The following SHROOM2 variants were observed in gnomAD, a reference collection of about 807,000 sequenced individuals.
The protein encoded by SHROOM2 is protein Shroom2.
A neutral mutation model predicts 75.9 loss-of-function variants in SHROOM2; 33 were observed. The observed-to-expected ratio is 0.43, with a 90% CI of 0.33 to 0.58. The LOEUF is 0.58. Among genes scored for constraint, SHROOM2 ranks in the 20% least tolerant of loss-of-function variants. The pLI is 0.04. For synonymous variants in SHROOM2, 655 were observed against 663.6 expected (o/e 0.99, Z 0.20); for missense variants, 1,434 against 1,461.2 (o/e 0.98, Z 0.30).
intron 1 of SHROOM2, among the ~76,000 whole-genome samples, chrX:9,811,527 G>A (rs1005129145): frequency 3.6e-5 from 4 of 111,674 alleles, no homozygotes; most frequent in Non-Finnish European, 5.6e-5. Flanking sequence ...CCTCATCCCC[G>A]AATTTCTTTG....
At chrX:9,838,263 T>C in intron 1 of SHROOM2, among the ~76,000 whole-genome samples, 1 of 109,762 alleles carries the variant, frequency 9.1e-6, no homozygotes, top group South Asian at 4.0e-4. Flanking sequence ...GGTTTCACCA[T>C]GTTAGCCAGG....
At chrX:9,868,534 G>A (rs376769053) in intron 1 of SHROOM2, among the ~76,000 whole-genome samples, 130 of 108,819 alleles carry the variant, frequency 1.2e-3, no homozygotes, top group African/African-American at 4.1e-3. Context: ...GTGAGCCACC[G>A]TGCCCAGCCT....
rs1167890353 is a variant in SHROOM2, at chrX:9,896,612, C to T, written c.2704C>T (p.Leu902=). 6 of 1,208,473 alleles carry T rather than the reference C, an allele frequency of 5.0e-6. No homozygotes were observed. The highest frequency in any genetic ancestry group is 2.2e-5 in the Admixed American group (1 of 45,763). ...SGRCHSADDI[L]DVSLDPQERP... Reference sequence around the variant, plus strand: ...GCGCTGCCACTCAGCGGATGACATCCTGGATGTGAGCCTGGACCCACAGGA... The same window carrying T: ...GCGCTGCCACTCAGCGGATGACATCTTGGATGTGAGCCTGGACCCACAGGA... The change falls in exon 4 of 10, where the codon CTG becomes TTG. Residue 902 remains leucine, a synonymous_variant. Coordinates refer to ENST00000380913, the MANE Select transcript of SHROOM2 (RefSeq NM_001649.4).
intron 8 of SHROOM2, among the ~76,000 whole-genome samples, chrX:9,943,861 C>CT (rs1300002692): frequency 1.8e-5 from 2 of 109,794 alleles, no homozygotes; most frequent in Admixed American, 9.7e-5. Context: ...AATTTTTTTT[C>CT]TTTTTTTTTC....
chrX:9,903,148 A>G (rs2147024605), intron 5 of SHROOM2, among the ~76,000 whole-genome samples: 2 of 112,074 alleles, frequency 1.8e-5, no homozygotes, highest in South Asian at 7.5e-4. Context: ...CATTTACAAA[A>G]CAAGCTCCTT....
Position 9,932,279 on chromosome X carries a change from G to A in SHROOM2, c.2996G>A (p.Arg999Gln), listed in dbSNP as rs778149655. ...PPTFSELSHC[R>Q]GAPELPREGR... ...ACATTCTCTGAACTATCTCACTGCC[G>A]GGGAGCCCCAGAGCTGCCCCGGGAG... Residue 999 changes from arginine to glutamine, a missense_variant, in exon 6 of 10, where the codon CGG becomes CAG. This residue lies in a region of SHROOM2 where 1,340 missense variants were observed against 1,338.3 expected (regional missense o/e 1.00). Transcript: ENST00000380913. 58 of 1,197,850 alleles carry A rather than the reference G, an allele frequency of 4.8e-5. No individual in the cohort carries two copies. In the East Asian group the frequency reaches 1.3e-3, roughly 27 times the overall value.
At chrX:9,860,444 G>A (rs755557806) in intron 1 of SHROOM2, among the ~76,000 whole-genome samples, 3 of 110,816 alleles carry the variant, frequency 2.7e-5, no homozygotes, top group South Asian at 3.8e-4. Context: ...TTTTTTTTGA[G>A]ACAGGGTCTC....
intron 1 of SHROOM2, among the ~76,000 whole-genome samples, chrX:9,844,974 C>T (rs1451308074): frequency 9.0e-6 from 1 of 111,468 alleles, no homozygotes; most frequent in African/African-American, 3.3e-5. Context: ...GCTGGATTTG[C>T]AAGTTAAAGT....
At chrX:9,946,094 G>A (rs1468540967) in intron 9 of SHROOM2, among the ~76,000 whole-genome samples, 3 of 112,859 alleles carry the variant, frequency 2.7e-5, no homozygotes, top group Admixed American at 9.3e-5. Flanking sequence ...GGGTGGCACC[G>A]TGCCCGAGGG....
intron 5 of SHROOM2, among the ~76,000 whole-genome samples, chrX:9,904,256 G>A (rs934880609): frequency 1.3e-4 from 14 of 111,725 alleles, no homozygotes; most frequent in Non-Finnish European, 2.1e-4. Flanking sequence ...ACAGTGGCAC[G>A]TGTCTCTAAT....
intron 2 of SHROOM2, among the ~76,000 whole-genome samples, chrX:9,878,409 G>C (rs2084212596): frequency 8.9e-6 from 1 of 112,338 alleles, no homozygotes; most frequent in Non-Finnish European, 1.9e-5. Context: ...TCTGCATCAG[G>C]CTGCAAGGGT....
intron 6 of SHROOM2, among the ~76,000 whole-genome samples, chrX:9,936,567 G>C (rs1051558553): frequency 8.9e-6 from 1 of 111,931 alleles, no homozygotes; most frequent in Non-Finnish European, 1.9e-5. Context: ...ACAGTGTTGG[G>C]TGGGCTGTCC....
At chrX:9,804,641 G>A (rs1307031591) in intron 1 of SHROOM2, among the ~76,000 whole-genome samples, 1 of 111,246 alleles carries the variant, frequency 9.0e-6, no homozygotes, top group African/African-American at 3.3e-5. Flanking sequence ...TCAGAGGAGC[G>A]GCATCCTGAG....
intron 1 of SHROOM2, among the ~76,000 whole-genome samples, chrX:9,790,247 G>C (rs1021207011): frequency 3.6e-5 from 4 of 111,513 alleles, no homozygotes; most frequent in African/African-American, 1.3e-4. Flanking sequence ...TTTGGAAAGG[G>C]GGCTCTGCAT....
At chrX:9,915,881 A>G (rs1295240318) in intron 5 of SHROOM2, among the ~76,000 whole-genome samples, 1 of 112,025 alleles carries the variant, frequency 8.9e-6, no homozygotes, top group Non-Finnish European at 1.9e-5. Flanking sequence ...GTCACGTGCA[A>G]TTGTGATAGA....
intron 1 of SHROOM2, among the ~76,000 whole-genome samples, chrX:9,849,843 A>T (rs1371962483): frequency 8.9e-6 from 1 of 112,395 alleles, no homozygotes; most frequent in Non-Finnish European, 1.9e-5. Flanking sequence ...TCTTGAGTTT[A>T]AAAGGCATCA....
At chrX:9,840,077 TC>T (rs1323746106) in intron 1 of SHROOM2, among the ~76,000 whole-genome samples, 7 of 111,911 alleles carry the variant, frequency 6.3e-5, no homozygotes, top group African/African-American at 2.3e-4. Flanking sequence ...ACTGGACACT[TC>T]CTTTCAGGGT....
chrX:9,840,387 C>T, intron 1 of SHROOM2, among the ~76,000 whole-genome samples: 1 of 111,790 alleles, frequency 8.9e-6, no homozygotes, highest in East Asian at 2.8e-4. Context: ...CCCACCTCAG[C>T]TCCCCAAGTA....
At chrX:9,945,436 G>T (rs2084809984) in intron 9 of SHROOM2, among the ~76,000 whole-genome samples, 1 of 111,341 alleles carries the variant, frequency 9.0e-6, no homozygotes, top group Admixed American at 9.6e-5. Flanking sequence ...GAGGGGAAAA[G>T]GTGCTTATCA....
Sources: gnomAD v4.1 joint callset for allele counts (sites outside exome capture counted in the v4.1 genomes callset) on GRCh38, gnomAD v4.1.1 for gene constraint, gnomAD v4.1.1 regional missense constraint, MANE v1.5 for transcripts, NCBI Gene and HGNC (gene_info 2026-07-23, HGNC 2026-07-21) for gene names.